The following LPXN variants were observed in gnomAD, a reference collection of about 807,000 sequenced individuals.
The protein encoded by LPXN is leupaxin.
A neutral mutation model predicts 45.6 loss-of-function variants in LPXN; 28 were observed. The ratio of observed to expected loss-of-function variants is 0.61; its 90% CI spans 0.45 to 0.84. The LOEUF (loss-of-function observed/expected upper bound fraction) is 0.84. Ranked by LOEUF, LPXN falls within the 40% of genes least tolerant of loss-of-function variation. LPXN has a pLI of 0.00. For synonymous variants in LPXN, 166 were observed against 169.9 expected, an observed-to-expected ratio of 0.98 and a Z score of 0.18; for missense variants, 459 against 475.0, an observed-to-expected ratio of 0.97 and a Z score of 0.31.
At chr11:58,558,540 CAAAAAAAAAAAA>C (rs35870490) in intron 3 of LPXN, among the ~76,000 whole-genome samples, 4 of 48,004 alleles carry the variant, frequency 8.3e-5, no homozygotes, top group African/African-American at 3.0e-4. Flanking sequence ...GAGACCCTGT[CAAAAAAAAAAAA>C]AAAAAAAAAA....
rs772527991 is a variant in LPXN at position 58,528,158 on chromosome 11, C to A, written c.776G>T (p.Arg259Leu). Residue 259 changes from arginine to leucine, a missense_variant, in exon 8 of 9, where the codon CGA becomes CTA. Transcript: ENST00000395074. Reference protein sequence around the residue: ...FHEKDKKPYCRKDFLAMFSPK... With the variant: ...FHEKDKKPYCLKDFLAMFSPK... The stretch of plus-strand genomic sequence containing the variant: ...TGAGAACATGGCTAAGAAATCCTTT[C>A]GGCAATATGGCTTCTTGTCCTTCTC... 1.2e-6 allele frequency: 2 copies of A among 1,614,056 alleles called. No individual in the cohort carries two copies. The highest frequency in any genetic ancestry group is 1.7e-6 in the Non-Finnish European group (2 of 1,180,036).
At chr11:58,573,737 G>A (rs2134363426) in intron 1 of LPXN, among the ~76,000 whole-genome samples, 1 of 152,282 alleles carries the variant, frequency 6.6e-6, no homozygotes, top group East Asian at 1.9e-4. Flanking sequence ...GGCGGGGGAA[G>A]TGGGGACTAG....
At chr11:58,534,421 C>T (rs1853486648) in intron 7 of LPXN, among the ~76,000 whole-genome samples, 1 of 152,108 alleles carries the variant, frequency 6.6e-6, no homozygotes, top group Admixed American at 6.5e-5. Flanking sequence ...TCCTGAACGA[C>T]TACTGGGTAA....
In LPXN at chr11:58,571,342, A is replaced by AAAATAAATAAAT. The variant is rs59215664; in HGVS notation, c.14-641_14-630dup. 1.5e-3 allele frequency among the ~76,000 whole-genome samples: 217 copies of AAAATAAATAAAT among 147,092 alleles called. 2 individuals are homozygous for AAAATAAATAAAT. The highest frequency in any genetic ancestry group is 3.4e-3 in the Middle Eastern group (1 of 290). On this transcript the variant is annotated intron_variant, in intron 1 of 8. Coordinates refer to ENST00000395074, the MANE Select transcript of LPXN (RefSeq NM_004811.3). ...CCAAAGGAGTGATACCCTGTCTCAAAAAATAAATAAATAAATAAATAAATA... is the reference window on the plus strand; with the variant it reads ...CCAAAGGAGTGATACCCTGTCTCAAAAAATAAATAAATAAATAAATAAATAAATAAATAAATA...
chr11:58,532,737 C>A (rs1468478224), intron 7 of LPXN, among the ~76,000 whole-genome samples: 1 of 152,206 alleles, frequency 6.6e-6, no homozygotes, highest in Non-Finnish European at 1.5e-5. Flanking sequence ...TAAAATGCAC[C>A]AATTAGCAAG....
At chr11:58,565,664 A>C (rs192126705) in intron 2 of LPXN, among the ~76,000 whole-genome samples, 1 of 152,256 alleles carries the variant, frequency 6.6e-6, no homozygotes, top group East Asian at 1.9e-4. Flanking sequence ...ATAGTGATAC[A>C]AAGTTATGAA....
At chr11:58,545,766 G>T (rs1853858895) in intron 7 of LPXN, among the ~76,000 whole-genome samples, 1 of 152,158 alleles carries the variant, frequency 6.6e-6, no homozygotes, top group Non-Finnish European at 1.5e-5. Flanking sequence ...AAAAAACATG[G>T]AACTTGCAGA....
chr11:58,530,243 T>A (rs1393836831), intron 7 of LPXN, among the ~76,000 whole-genome samples: 1 of 152,180 alleles, frequency 6.6e-6, no homozygotes, highest in Non-Finnish European at 1.5e-5. Context: ...GGGAGCCAAG[T>A]GGCCTGGCTC....
rs543784958 is a variant in LPXN, at chr11:58,555,751, C to T, written c.219-811G>A. Reference sequence around the variant, plus strand: ...AAATAGCAATGAAAACACACACACACACACACTCACACACATGCACACACA... The same window carrying T: ...AAATAGCAATGAAAACACACACACATACACACTCACACACATGCACACACA... On this transcript the variant is annotated intron_variant, in intron 3 of 8. Coordinates refer to ENST00000395074, the MANE Select transcript of LPXN (RefSeq NM_004811.3). Among the ~76,000 whole-genome samples, 62 of 105,128 alleles carry T rather than the reference C, an allele frequency of 5.9e-4. No individual in the cohort carries two copies. In the East Asian group the frequency reaches 0.016, roughly 27 times the overall value. The allele number at this position is 105,128 out of a possible 152,430, so 69.0% of individuals were successfully genotyped here.
intron 7 of LPXN, among the ~76,000 whole-genome samples, chr11:58,542,462 A>C (rs1191341722): frequency 3.3e-5 from 5 of 151,802 alleles, no homozygotes; most frequent in African/African-American, 1.2e-4. Flanking sequence ...TTTTTAAAAA[A>C]GATGTAGACA....
At chr11:58,568,590 G>C (rs1854590033) in intron 2 of LPXN, among the ~76,000 whole-genome samples, 2 of 143,920 alleles carry the variant, frequency 1.4e-5, no homozygotes, top group Admixed American at 1.4e-4. Context: ...ACGACAGAAA[G>C]AGACTCCATC....
intron 7 of LPXN, among the ~76,000 whole-genome samples, chr11:58,549,030 TAGAC>T (rs1421896722): frequency 6.6e-6 from 1 of 152,186 alleles, no homozygotes. Context: ...TCTTCCCTCT[TAGAC>T]AGTCAATACA....
At chr11:58,578,608 G>C (rs1854993331), upstream of LPXN, among the ~76,000 whole-genome samples, 1 of 152,188 alleles carries the variant, frequency 6.6e-6, no homozygotes, top group South Asian at 2.1e-4. Context: ...GGACAGAAAG[G>C]CCAAAGACAG....
intron 7 of LPXN, among the ~76,000 whole-genome samples, chr11:58,533,107 C>T (rs1286639916): frequency 2.0e-5 from 3 of 152,190 alleles, no homozygotes; most frequent in Admixed American, 6.5e-5. Context: ...AAAGAAGAAA[C>T]TCCGAACATG....
chr11:58,535,303 T>A (rs995997475), intron 7 of LPXN, among the ~76,000 whole-genome samples: 3 of 152,100 alleles, frequency 2.0e-5, no homozygotes, highest in Non-Finnish European at 4.4e-5. Context: ...TCCAGCAGCA[T>A]ATCAAAAAGC....
intron 2 of LPXN, among the ~76,000 whole-genome samples, chr11:58,567,465 T>G (rs1033296098): frequency 6.6e-6 from 1 of 152,202 alleles, no homozygotes; most frequent in Non-Finnish European, 1.5e-5. Context: ...CAAAGGAAAA[T>G]CACTCATTAA....
chr11:58,567,168 C>T (rs1393010342), intron 2 of LPXN, among the ~76,000 whole-genome samples: 1 of 152,186 alleles, frequency 6.6e-6, no homozygotes, highest in Non-Finnish European at 1.5e-5. Context: ...AGCTTGTTAA[C>T]TTGGTAAGAA....
rs116046581 is a variant in LPXN, at chr11:58,570,647, G to A, written c.80C>T (p.Pro27Leu). The A allele has an allele frequency of 3.1e-3, 4,962 of 1,613,896 alleles. 126 individuals carry two copies. The African/African-American group carries it at 0.057, about 18-fold the overall frequency. Residue 27 changes from proline to leucine, a missense_variant, in exon 2 of 9, where the codon CCT becomes CTT. Transcript: ENST00000395074. ...TCTGGAATGCTGATCCAGGGGAAGA[G>A]GAGCTGGGTTGGAATATTCATCACT... ...QDSDEYSNPA[P>L]LPLDQHSRKE...
chr11:58,554,858 T>G lies in LPXN; in HGVS notation c.301A>C (p.Thr101Pro). The change falls in exon 4 of 9, where the codon ACT (threonine) becomes CCT (proline). Residue 101 changes from threonine (T) to proline (P), a missense_variant. Transcript: ENST00000395074. ...GCACTCACCTTGGCCTGCATCTCAG[T>G]CAGGTGAGCCATGAGCTCATCCAAC... ...AQLDELMAHL[T>P]EMQAKVAVRA... The G allele has an allele frequency of 6.2e-7, 1 of 1,613,830 alleles. No individual in the cohort carries two copies.
Sources: gnomAD v4.1 joint callset for allele counts (sites outside exome capture counted in the v4.1 genomes callset) on GRCh38, gnomAD v4.1.1 for gene constraint, MANE v1.5 for transcripts, NCBI Gene and HGNC (gene_info 2026-07-23, HGNC 2026-07-21) for gene names.